The following TEX19 variants were observed in gnomAD, a reference collection of about 807,000 sequenced individuals.
The protein encoded by TEX19 is testis-expressed protein 19.
For synonymous variants in TEX19, 77 were observed against 73.9 expected (o/e 1.04, Z -0.21); for missense variants, 184 against 194.4 (o/e 0.95, Z 0.32).
rs2052397535 is a variant in TEX19, at chr17:82,361,862, C to T, written c.-271-18C>T. On this transcript the variant is annotated intron_variant, in intron 1 of 1. Coordinates refer to ENST00000333437, the MANE Select transcript of TEX19 (RefSeq NM_207459.4). The stretch of plus-strand genomic sequence containing the variant: ...TGCCTGCTGGGGGTGCCTAACCTCC[C>T]TTCCTTTGCCTTTCCAGCTCTCCTG... 1 of 822,456 alleles carries T rather than the reference C, an allele frequency of 1.2e-6. No individual in the cohort carries two copies. Among genetic ancestry groups the T allele is most frequent in the African/African-American group, 1.8e-5 (1 of 57,134 alleles). 50.9% of individuals were successfully genotyped at this position (822,456 alleles called of 1,614,324 possible). A position where few individuals can be genotyped will look rare whatever the true frequency, so the allele number is the denominator to read the frequency against.
chr17:82,360,776 A>G (rs1599668526), intron 1 of TEX19, among the ~76,000 whole-genome samples: 3 of 57,016 alleles, frequency 5.3e-5, no homozygotes, highest in Non-Finnish European at 6.4e-5. Flanking sequence ...GTTTCCCTCA[A>G]GTTTCCCTCA....
At chr17:82,360,524 GTTCCCCCAGTTTCCCTCAGT>G (rs2052377798) in intron 1 of TEX19, among the ~76,000 whole-genome samples, 2 of 68,742 alleles carry the variant, frequency 2.9e-5, no homozygotes, top group African/African-American at 1.3e-4. Flanking sequence ...TTTCCCTCAG[GTTCCCCCAGTTTCCCTCAGT>G]TTCCCCCAGT....
chr17:82,359,892 C>CT lies in TEX19; in HGVS notation c.-272+607_-272+608insT, dbSNP rs1472210469. Among the ~76,000 whole-genome samples, 423 of 136,116 alleles carry CT rather than the reference C, an allele frequency of 3.1e-3. 2 individuals carry two copies. The highest frequency in any genetic ancestry group is 4.6e-3 in the Non-Finnish European group (291 of 63,694). The allele number at this position is 136,116 out of a possible 152,430, so 89.3% of individuals were successfully genotyped here. A position where few individuals can be genotyped will look rare whatever the true frequency, so the allele number is the denominator to read the frequency against. On this transcript the variant is annotated intron_variant, in intron 1 of 1. Coordinates refer to ENST00000333437, the MANE Select transcript of TEX19 (RefSeq NM_207459.4). ...TTCCCTCAAGTTTCCCTCGGGTTCC[C>CT]CCAGTTTCCCTCAGGTTCCCCCAGT...
chr17:82,361,883 T>G lies in TEX19; in HGVS notation c.-268T>G. On this transcript the variant is annotated 5_prime_UTR_variant, in exon 2 of 2. Transcript: ENST00000333437. ...CTCCCTTCCTTTGCCTTTCCAGCTC[T>G]CCTGAGACCACAGCAACTGCAGAAG... The G allele has an allele frequency of 1.3e-6, 1 of 757,000 alleles. No homozygotes were observed. The highest frequency in any genetic ancestry group is 1.9e-6 in the Non-Finnish European group (1 of 537,144). The allele number at this position is 757,000 out of a possible 1,614,324, so 46.9% of individuals were successfully genotyped here.
chr17:82,362,411 A>G lies in TEX19; in HGVS notation c.261A>G (p.Pro87=). The G allele has an allele frequency of 6.2e-7, 1 of 1,613,100 alleles. No homozygotes were observed. The highest frequency in any genetic ancestry group is 8.5e-7 in the Non-Finnish European group (1 of 1,179,996). The change falls in exon 2 of 2, where the codon CCA becomes CCG. Residue 87 remains proline, a synonymous_variant. Transcript: ENST00000333437. This position sits in a 1 kb window ranked among gnomAD's most constrained non-coding sequence, Gnocchi z 5.5. ...TGGAGCTGAGCTGGGGGCAGAGCCC[A>G]GGACAGCCTGTGCAGGGGGGCTCTG... The part of the protein sequence containing the change: ...SGMELSWGQS[P]GQPVQGGSEA...
At chr17:82,361,726 T>C (rs566975628) in intron 1 of TEX19, 154 bp from the exon 2 acceptor site, 28 of 985,360 alleles carry the variant, frequency 2.8e-5, no homozygotes, top group Middle Eastern at 5.2e-4. Flanking sequence ...ATGGAGGAAC[T>C]GAAGGCCTCC....
intron 1 of TEX19, among the ~76,000 whole-genome samples, chr17:82,359,650 AGG>A (rs1567852793): frequency 2.3e-4 from 32 of 141,326 alleles, no homozygotes; most frequent in Non-Finnish European, 3.2e-4. Flanking sequence ...AGCTTCCCTC[AGG>A]TTCCCCCAGT....
rs143841873 is a variant in TEX19 at position 82,362,173 on chromosome 17, G to A, written c.23G>A (p.Arg8Gln). 4.6e-4 allele frequency: 740 copies of A among 1,611,364 alleles called. 1 individual carries two copies. Among genetic ancestry groups the A allele is most frequent in the Non-Finnish European group, 5.8e-4 (685 of 1,179,168 alleles). ...GCCATGTGCCCTCCGGTCAGCATGC[G>A]GTATGAGGAAGAGGGCATGTCCTAC... Reference protein sequence around the residue: MCPPVSMRYEEEGMSYLY... With the variant: MCPPVSMQYEEEGMSYLY... The change falls in exon 2 of 2, where the codon CGG becomes CAG. Residue 8 changes from arginine to glutamine, a missense_variant. By Grantham distance (43) the Arg-to-Gln change is conservative. Transcript: ENST00000333437. This position sits in a 1 kb window ranked among gnomAD's most constrained non-coding sequence, Gnocchi z 5.5.
In TEX19 at chr17:82,362,198, C is replaced by T. The variant is rs1310189977; in HGVS notation, c.48C>T (p.Tyr16=). Residue 16 remains tyrosine (Y), a synonymous_variant, in exon 2 of 2, where the codon TAC becomes TAT. Coordinates refer to ENST00000333437, the MANE Select transcript of TEX19 (RefSeq NM_207459.4). This position sits in a 1 kb window ranked among gnomAD's most constrained non-coding sequence, Gnocchi z 5.5. ...SMRYEEEGMS[Y]LYASWMYQLQ... ...GGTATGAGGAAGAGGGCATGTCCTA[C>T]CTCTACGCCTCCTGGATGTATCAGC... 1.2e-6 allele frequency: 2 copies of T among 1,613,482 alleles called. No homozygotes were observed. Among genetic ancestry groups the T allele is most frequent in the Non-Finnish European group, 8.5e-7 (1 of 1,179,950 alleles).
In TEX19 at chr17:82,361,490, G is replaced by GTTCCCTCAGT. The variant is rs2052392981; in HGVS notation, c.-271-385_-271-384insTCAGTTTCCC. On this transcript the variant is annotated intron_variant, in intron 1 of 1. Coordinates refer to ENST00000333437, the MANE Select transcript of TEX19 (RefSeq NM_207459.4). ...CTCAGTTTCCCCCAGTTTCTCTCAG[G>GTTCCCTCAGT]TTCCCCCAGTTTCCCTCAGTTTCCC... 1.7e-5 allele frequency: 7 copies of GTTCCCTCAGT among 415,796 alleles called. No individual in the cohort carries two copies. In the African/African-American group the frequency reaches 2.2e-4, roughly 13 times the overall value. 25.8% of individuals were successfully genotyped at this position (415,796 alleles called of 1,614,324 possible).
intron 1 of TEX19, among the ~76,000 whole-genome samples, chr17:82,360,262 G>T (rs1230467294): frequency 1.1e-4 from 4 of 36,492 alleles, no homozygotes; most frequent in Admixed American, 7.0e-4. Flanking sequence ...TTTCCCTCAG[G>T]TTCCCTCAGG....
At chr17:82,359,634 TC>T (rs1174316555) in intron 1 of TEX19, among the ~76,000 whole-genome samples, 6 of 109,134 alleles carry the variant, frequency 5.5e-5, no homozygotes, top group Non-Finnish European at 1.1e-4. Flanking sequence ...CCCTCAAGTT[TC>T]CCTCAGCTTC....
At chr17:82,360,027 AGGTTCCCCC>A in intron 1 of TEX19, among the ~76,000 whole-genome samples, 1 of 122,828 alleles carries the variant, frequency 8.1e-6, no homozygotes, top group Non-Finnish European at 1.6e-5. Flanking sequence ...AGGTTCCCTC[AGGTTCCCCC>A]AGTTTCCCCC....
Position 82,361,961 on chromosome 17 carries a change from G to A in TEX19, c.-190G>A. Reference sequence around the variant, plus strand: ...TCCACCCTCTGCAGGTCCCCACTGAGCTGGGACCCAGGTCATCCACCCCAC... The same window carrying A: ...TCCACCCTCTGCAGGTCCCCACTGAACTGGGACCCAGGTCATCCACCCCAC... On this transcript the variant is annotated 5_prime_UTR_variant, in exon 2 of 2. Coordinates refer to ENST00000333437, the MANE Select transcript of TEX19 (RefSeq NM_207459.4). The A allele has an allele frequency of 3.7e-6, 3 of 819,150 alleles. No individual in the cohort carries two copies. Among genetic ancestry groups the A allele is most frequent in the South Asian group, 3.8e-5 (2 of 52,832 alleles). 50.7% of individuals were successfully genotyped at this position (819,150 alleles called of 1,614,324 possible). A position where few individuals can be genotyped will look rare whatever the true frequency, so the allele number is the denominator to read the frequency against.
At chr17:82,359,774 G>GAAT (rs2052364425) in intron 1 of TEX19, among the ~76,000 whole-genome samples, 2 of 85,952 alleles carry the variant, frequency 2.3e-5, no homozygotes, top group Admixed American at 2.8e-4. Flanking sequence ...CTTCCCTCAG[G>GAAT]TTCCCTCAGT....
intron 1 of TEX19, 170 bp from the exon 2 acceptor site, chr17:82,361,710 G>C: frequency 1.0e-5 from 10 of 985,392 alleles, no homozygotes; most frequent in Non-Finnish European, 8.4e-6. Flanking sequence ...AGCCCGGGGA[G>C]GTCGGATGGA....
Position 82,362,375 on chromosome 17 carries a change from G to T in TEX19, c.225G>T (p.Gly75=), listed in dbSNP as rs374309244. Residue 75 remains glycine (G), a synonymous_variant, in exon 2 of 2, where the codon GGG becomes GGT. Transcript: ENST00000333437. This position sits in a 1 kb window ranked among gnomAD's most constrained non-coding sequence, Gnocchi z 5.5. ...EHTEAESEQE[G]SSGMELSWGQ... ...CTGAGGCAGAGTCAGAGCAGGAGGG[G>T]TCCTCAGGGATGGAGCTGAGCTGGG... 5 of 1,613,400 alleles carry T rather than the reference G, an allele frequency of 3.1e-6. No homozygotes were observed. Among genetic ancestry groups the T allele is most frequent in the Non-Finnish European group, 4.2e-6 (5 of 1,180,038 alleles).
chr17:82,360,433 GTTCCCCCAGT>G (rs2052376398), intron 1 of TEX19, among the ~76,000 whole-genome samples: 1 of 92,562 alleles, frequency 1.1e-5, no homozygotes. Context: ...TTTCCCTCAG[GTTCCCCCAGT>G]TTCCCTCAGG....
intron 1 of TEX19, among the ~76,000 whole-genome samples, chr17:82,360,188 C>A (rs1419246795): frequency 2.8e-4 from 17 of 61,382 alleles, no homozygotes; most frequent in South Asian, 9.5e-4. Context: ...CAGGTTCCCC[C>A]AGTTTCCCCC....
Sources: gnomAD v4.1 joint callset for allele counts (sites outside exome capture counted in the v4.1 genomes callset) on GRCh38, gnomAD v4.1.1 for gene constraint, Gnocchi (gnomAD v3.1) non-coding constraint, MANE v1.5 for transcripts, NCBI Gene and HGNC (gene_info 2026-07-23, HGNC 2026-07-21) for gene names.